TLE4: variants seen among roughly 807,000 people sequenced by gnomAD.
TLE4 encodes the protein transducin-like enhancer protein 4.
In TLE4, 8 loss-of-function variants were observed where a neutral mutation model predicts 92.8. The observed-to-expected ratio is 0.09, with a 90% CI of 0.05 to 0.16. The LOEUF (loss-of-function observed/expected upper bound fraction) is 0.16. Among genes scored for constraint, TLE4 ranks in the 10% least tolerant of loss-of-function variants. The pLI is 1.00. For synonymous variants in TLE4, 371 were observed against 374.1 expected (o/e 0.99, Z 0.10); for missense variants, 675 against 997.6 (o/e 0.68, Z 4.36).
At chr9:79,649,707 A>G in intron 6 of TLE4, 1 of 832,776 alleles carries the variant, frequency 1.2e-6, no homozygotes, top group Non-Finnish European at 1.7e-6. Flanking sequence ...AATAAAACCA[A>G]ACAAGGACCT....
intron 8 of TLE4, among the ~76,000 whole-genome samples, chr9:79,686,945 C>A (rs955823195): frequency 6.6e-5 from 10 of 152,166 alleles, no homozygotes; most frequent in African/African-American, 2.4e-4. Flanking sequence ...AGCCCCAGAA[C>A]TGTACATGTT....
intron 6 of TLE4, 70 bp downstream of exon 6, chr9:79,627,518 A>G (rs1324970692): frequency 6.6e-7 from 1 of 1,511,384 alleles, no homozygotes. Flanking sequence ...CTCTTTTTAC[A>G]TTTTGTTCCG....
chr9:79,634,831 CCTGTGTATTGCAGA>C (rs1466805632), intron 6 of TLE4, among the ~76,000 whole-genome samples: 2 of 152,116 alleles, frequency 1.3e-5, no homozygotes, highest in Non-Finnish European at 2.9e-5. Context: ...GTAGTTAGTG[CCTGTGTATTGCAGA>C]CTGATATTCT....
chr9:79,573,328 C>T, intron 1 of TLE4: 1 of 1,072,014 alleles, frequency 9.3e-7, no homozygotes, highest in Non-Finnish European at 1.1e-6. Context: ...CGCAGCCCGA[C>T]GCCATGGCGC....
chr9:79,619,372 T>C (rs535972868), intron 5 of TLE4, among the ~76,000 whole-genome samples: 1 of 152,318 alleles, frequency 6.6e-6, no homozygotes, highest in South Asian at 2.1e-4. Flanking sequence ...ACATTTTGCA[T>C]GTATAGAATA....
intron 4 of TLE4, among the ~76,000 whole-genome samples, chr9:79,582,029 A>G (rs560289836): frequency 5.9e-5 from 9 of 152,228 alleles, no homozygotes; most frequent in African/African-American, 9.6e-5. Context: ...TTTGTTTACA[A>G]ACTTGTTCTT....
intron 8 of TLE4, among the ~76,000 whole-genome samples, chr9:79,662,958 C>G (rs943527498): frequency 6.6e-6 from 1 of 152,078 alleles, no homozygotes; most frequent in Admixed American, 6.6e-5. Context: ...GTGTTCTCCC[C>G]CTCACCCACC....
At chr9:79,611,396 G>A (rs939092449) in intron 4 of TLE4, among the ~76,000 whole-genome samples, 1 of 152,038 alleles carries the variant, frequency 6.6e-6, no homozygotes. Flanking sequence ...GTGAATTTGT[G>A]TTTTCTTTTG....
At chr9:79,606,097 A>G (rs2046781947) in intron 4 of TLE4, among the ~76,000 whole-genome samples, 1 of 150,010 alleles carries the variant, frequency 6.7e-6, no homozygotes, top group South Asian at 2.1e-4. Context: ...AGTTTTAATC[A>G]GTCCTTTAGG....
At chr9:79,602,882 C>T (rs529041058) in intron 4 of TLE4, among the ~76,000 whole-genome samples, 2 of 151,970 alleles carry the variant, frequency 1.3e-5, no homozygotes, top group South Asian at 2.1e-4. Flanking sequence ...TTCTAGATGC[C>T]GTTAAGAACA....
At chr9:79,631,373 T>C (rs559988865) in intron 6 of TLE4, among the ~76,000 whole-genome samples, 1 of 152,314 alleles carries the variant, frequency 6.6e-6, no homozygotes, top group Non-Finnish European at 1.5e-5. Flanking sequence ...TTTAAATCTC[T>C]TTCCTCTCAG....
At chr9:79,616,785 A>G (rs2049739590) in intron 5 of TLE4, among the ~76,000 whole-genome samples, 1 of 152,064 alleles carries the variant, frequency 6.6e-6, no homozygotes, top group South Asian at 2.1e-4. Flanking sequence ...CTATGTAGAG[A>G]GTCTAAGGTG....
At chr9:79,635,534 C>G (rs1587620965) in intron 6 of TLE4, among the ~76,000 whole-genome samples, 1 of 147,188 alleles carries the variant, frequency 6.8e-6, no homozygotes, top group Admixed American at 6.7e-5. Context: ...TAATTCAGTT[C>G]AATTTTTGTT....
In TLE4 at chr9:79,725,184, G is replaced by T; in HGVS notation, c.*40G>T. 3 of 1,471,826 alleles carry T rather than the reference G, an allele frequency of 2.0e-6. No homozygotes were observed. Among genetic ancestry groups the T allele is most frequent in the Non-Finnish European group, 2.8e-6 (3 of 1,052,768 alleles). 91.2% of individuals were successfully genotyped at this position (1,471,826 alleles called of 1,614,324 possible). On this transcript the variant is annotated 3_prime_UTR_variant, in exon 20 of 20. Transcript: ENST00000376552. ...GCAGACTGGACTTCTCCTCCTGGTA[G>T]CACTTTGCTCTGTCATCCTTTTTGT... is the stretch of plus-strand genomic sequence containing the variant.
chr9:79,612,623 C>T (rs768963826), intron 4 of TLE4, 33 bp from the exon 5 acceptor site: 1 of 1,594,130 alleles, frequency 6.3e-7, no homozygotes, highest in Non-Finnish European at 8.6e-7. Context: ...TGACTGTTCT[C>T]TTTATTGCTT....
intron 4 of TLE4, among the ~76,000 whole-genome samples, chr9:79,598,088 A>AAC (rs1554700642): frequency 2.7e-5 from 4 of 150,324 alleles, no homozygotes; most frequent in African/African-American, 7.3e-5. Context: ...AAAAAAAAAA[A>AAC]AAAAAAAAAA....
At chr9:79,572,865 C>T (rs1161004324) in intron 1 of TLE4, 30 bp downstream of exon 1, 2 of 1,588,770 alleles carry the variant, frequency 1.3e-6, no homozygotes, top group South Asian at 1.1e-5. Context: ...CGCGGGCTCG[C>T]CGGGTGCTGG....
At chr9:79,601,611 C>A (rs1257730729) in intron 4 of TLE4, 1 of 390,828 alleles carries the variant, frequency 2.6e-6, no homozygotes, top group Non-Finnish European at 5.1e-6. Flanking sequence ...TTTTAGAGTG[C>A]CGTGAACTGT....
At position 79,721,955 on chromosome 9, in the gene TLE4, A is replaced by G. The variant is rs926687138; in HGVS notation, c.1986+67A>G. The G allele has an allele frequency of 3.9e-6, 6 of 1,555,202 alleles. No homozygotes were observed. In the African/African-American group the frequency reaches 8.3e-5, roughly 21 times the overall value. On this transcript the variant is annotated intron_variant, in intron 17 of 19. Transcript: ENST00000376552. ...GCTGAGGTGGGCGGATCACCAGGTC[A>G]GGGAATCGAGACCATCCTGGCCAAC...
Sources: gnomAD v4.1 joint callset for allele counts (sites outside exome capture counted in the v4.1 genomes callset) on GRCh38, gnomAD v4.1.1 for gene constraint, MANE v1.5 for transcripts, NCBI Gene and HGNC (gene_info 2026-07-23, HGNC 2026-07-21) for gene names.